The following NEK11 variants were observed in gnomAD, a reference collection of about 807,000 sequenced individuals.
NEK11 encodes the protein serine/threonine-protein kinase Nek11.
In NEK11, 72 loss-of-function variants were observed where a neutral mutation model predicts 80.7. The ratio of observed to expected loss-of-function variants is 0.89; its 90% CI spans 0.74 to 1.08. The LOEUF (loss-of-function observed/expected upper bound fraction) is 1.08. Among genes scored for constraint, NEK11 ranks in the 50% least tolerant of loss-of-function variants. The pLI, the probability that NEK11 is intolerant of heterozygous loss-of-function variation, is 0.00. For synonymous variants in NEK11, 251 were observed against 260.7 expected (o/e 0.96, Z 0.36); for missense variants, 764 against 763.6 (o/e 1.00, Z -0.01).
At chr3:131,140,516 C>T (rs1263355586) in intron 7 of NEK11, among the ~76,000 whole-genome samples, 1 of 152,122 alleles carries the variant, frequency 6.6e-6, no homozygotes, top group Non-Finnish European at 1.5e-5. Flanking sequence ...ATCAAAATGA[C>T]TGATTATTGT....
At chr3:131,214,023 A>T (rs2094726890) in intron 14 of NEK11, among the ~76,000 whole-genome samples, 1 of 152,194 alleles carries the variant, frequency 6.6e-6, no homozygotes, top group East Asian at 1.9e-4. Context: ...ATACAAGAAG[A>T]GGACAGCAGT....
intron 3 of NEK11, among the ~76,000 whole-genome samples, chr3:131,034,463 G>T (rs954226292): frequency 7.2e-5 from 11 of 151,904 alleles, no homozygotes; most frequent in African/African-American, 1.2e-4. Flanking sequence ...GCAGTGGCGC[G>T]ATCTTGGCTC....
At chr3:131,273,429 G>A (rs1218213503) in intron 16 of NEK11, 49 bp from the exon 17 acceptor site, 1 of 1,448,338 alleles carries the variant, frequency 6.9e-7, no homozygotes, top group South Asian at 1.2e-5. Flanking sequence ...TCGCCTTGAA[G>A]TTGCAGGATT....
intron 17 of NEK11, among the ~76,000 whole-genome samples, chr3:131,346,619 T>C (rs369361719): frequency 2.0e-5 from 3 of 152,188 alleles, no homozygotes; most frequent in South Asian, 4.2e-4. Flanking sequence ...TGCGAGATAA[T>C]GGTTATGATG....
chr3:131,154,859 C>A (rs921010503), intron 9 of NEK11, 177 bp from the exon 10 acceptor site: 3 of 546,764 alleles, frequency 5.5e-6, no homozygotes, highest in Non-Finnish European at 9.8e-6. Context: ...CCTGCAAGAT[C>A]TTCTTGGAAA....
At chr3:131,146,978 G>A (rs2149754936) in intron 7 of NEK11, among the ~76,000 whole-genome samples, 1 of 152,118 alleles carries the variant, frequency 6.6e-6, no homozygotes, top group South Asian at 2.1e-4. Flanking sequence ...TACACTATGT[G>A]TCTTCCTTTT....
chr3:131,240,525 T>TTTGTTGTTG (rs200902975), intron 15 of NEK11, among the ~76,000 whole-genome samples: 6 of 151,840 alleles, frequency 4.0e-5, no homozygotes, highest in African/African-American at 1.2e-4. Flanking sequence ...ATAATTGGTT[T>TTTGTTGTTG]TTGTTGTTGT....
rs555657490 is a variant in NEK11 at position 131,069,234 on chromosome 3, T to C, written c.171-11189T>C. Among the ~76,000 whole-genome samples the C allele has an allele frequency of 4.7e-4, 72 of 152,356 alleles. 1 individual carries two copies. The highest frequency in any genetic ancestry group is 1.7e-3 in the African/African-American group (70 of 41,582). Reference sequence around the variant, plus strand: ...GTGTTTATCTTTTCTCATTTTTACCTACTCAAGGAAATGGAGCTAATCAGC... The same window carrying C: ...GTGTTTATCTTTTCTCATTTTTACCCACTCAAGGAAATGGAGCTAATCAGC... On this transcript the variant is annotated intron_variant, in intron 3 of 17. Coordinates refer to ENST00000383366, the MANE Select transcript of NEK11 (RefSeq NM_024800.5).
chr3:131,255,416 T>C (rs2095798473), intron 16 of NEK11, among the ~76,000 whole-genome samples: 2 of 152,156 alleles, frequency 1.3e-5, no homozygotes, highest in Non-Finnish European at 2.9e-5. Flanking sequence ...AAGGTGACCT[T>C]TTCAGATCGT....
chr3:131,168,043 A>C (rs2092384705), intron 12 of NEK11, among the ~76,000 whole-genome samples: 1 of 152,220 alleles, frequency 6.6e-6, no homozygotes, highest in South Asian at 2.1e-4. Context: ...TCCTCTTGCC[A>C]GCTGGTTCAG....
At chr3:131,346,629 G>A (rs945177996) in intron 17 of NEK11, among the ~76,000 whole-genome samples, 1 of 152,198 alleles carries the variant, frequency 6.6e-6, no homozygotes, top group African/African-American at 2.4e-5. Flanking sequence ...TGGTTATGAT[G>A]ATGGGCCATG....
chr3:131,043,751 GA>G (rs2066900807), intron 3 of NEK11, among the ~76,000 whole-genome samples: 2 of 152,142 alleles, frequency 1.3e-5, no homozygotes, highest in South Asian at 4.1e-4. Flanking sequence ...TCAAATTCAG[GA>G]AATACAGAGA....
In NEK11 at chr3:131,165,450, A is replaced by G. The variant is rs536696918; in HGVS notation, c.1107A>G (p.Glu369=). 2 of 1,612,134 alleles carry G rather than the reference A, an allele frequency of 1.2e-6. No homozygotes were observed. The highest frequency in any genetic ancestry group is 8.5e-7 in the Non-Finnish European group (1 of 1,178,216). The change falls in exon 12 of 18, where the codon GAA becomes GAG. Residue 369 remains glutamate, a synonymous_variant. Coordinates refer to ENST00000383366, the MANE Select transcript of NEK11 (RefSeq NM_024800.5). ...KLKKIVEEKY[E]ENSKRMQELR... Reference sequence around the variant, plus strand: ...GAAAGATTGTGGAAGAAAAATATGAAGAAAATAGCAAACGAATGCAAGAAT... The same window carrying G: ...GAAAGATTGTGGAAGAAAAATATGAGGAAAATAGCAAACGAATGCAAGAAT...
intron 5 of NEK11, among the ~76,000 whole-genome samples, chr3:131,129,657 A>G (rs1038349551): frequency 1.3e-5 from 2 of 151,964 alleles, no homozygotes; most frequent in African/African-American, 4.8e-5. Flanking sequence ...AGATTCATCT[A>G]TTGTATATGA....
chr3:131,347,737 G>A (rs1319150347), intron 17 of NEK11, among the ~76,000 whole-genome samples: 3 of 152,110 alleles, frequency 2.0e-5, no homozygotes, highest in Non-Finnish European at 4.4e-5. Flanking sequence ...TCAGGAATTC[G>A]AGACCAGCCT....
At chr3:131,041,940 G>T (rs2066551640) in intron 3 of NEK11, among the ~76,000 whole-genome samples, 1 of 152,128 alleles carries the variant, frequency 6.6e-6, no homozygotes, top group Admixed American at 6.5e-5. Context: ...TGTGGGTACA[G>T]CCCACGGAGG....
chr3:131,149,168 C>T (rs2089105078), intron 7 of NEK11, among the ~76,000 whole-genome samples: 1 of 151,912 alleles, frequency 6.6e-6, no homozygotes, highest in Non-Finnish European at 1.5e-5. Flanking sequence ...AAGTAGGCCC[C>T]AGTGTTTGTT....
rs571961217 is a variant in NEK11, at chr3:131,188,478, C to G, written c.1399+17591C>G. 5.9e-5 allele frequency among the ~76,000 whole-genome samples: 9 copies of G among 152,246 alleles called. No homozygotes were observed. The South Asian group carries it at 1.9e-3, about 32-fold the overall frequency. ...ATCTTATGTGGCTCTGTAGAAATCT[C>G]TTCAAATTTACCTGTTTTCTTCTTT... On this transcript the variant is annotated intron_variant, in intron 14 of 17. Transcript: ENST00000383366.
chr3:131,046,578 CT>C (rs200719678), intron 3 of NEK11, among the ~76,000 whole-genome samples: 29,517 of 146,446 alleles, frequency 0.2, 2,841 homozygotes, highest in Middle Eastern at 0.22. Flanking sequence ...TAAAGTGATT[CT>C]TTTTTTTTTT....
Sources: allele counts gnomAD v4.1 joint callset (sites outside exome capture counted in the v4.1 genomes callset), GRCh38; gene constraint gnomAD v4.1.1; transcripts MANE v1.5; gene names NCBI Gene and HGNC (gene_info 2026-07-23, HGNC 2026-07-21).